Variants in JAG1 observed in about 807,000 individuals in gnomAD.
The protein encoded by JAG1 is protein jagged-1.
Under a neutral mutation model 148.7 loss-of-function variants are expected in JAG1, and 23 were observed. The ratio of observed to expected loss-of-function variants is 0.15; its 90% CI spans 0.11 to 0.22. JAG1 has a LOEUF of 0.22. Ranked by LOEUF, JAG1 falls within the 10% of genes least tolerant of loss-of-function variation. JAG1 has a pLI of 1.00. For synonymous variants in JAG1, 572 were observed against 598.3 expected, an observed-to-expected ratio of 0.96 and a Z score of 0.64; for missense variants, 1,054 against 1,611.2, an observed-to-expected ratio of 0.65 and a Z score of 5.92.
At chr20:10,642,811 A>C (rs2067282310) in intron 20 of JAG1, among the ~76,000 whole-genome samples, 1 of 152,246 alleles carries the variant, frequency 6.6e-6, no homozygotes, top group Non-Finnish European at 1.5e-5. Context: ...GAGTTCTAAC[A>C]GTGGAGAACC....
In JAG1 at chr20:10,645,232, G is replaced by A. The variant is rs763175586; in HGVS notation, c.2138C>T (p.Thr713Met). Residue 713 changes from threonine to methionine, a missense_variant, in exon 17 of 26, where the codon ACG becomes ATG. Thr to Met is a moderately conservative substitution (Grantham distance 81, BLOSUM62 -1). Transcript: ENST00000254958. The surrounding 1 kb of genome is among the most constrained non-coding windows in gnomAD (Gnocchi z 6.1). The part of the protein sequence containing the change: ...HSRDSQCDEA[T>M]CNNGGTCYDE... ...ATAGCAGGTGCCACCGTTGTTGCACGTGGCCTCATCACACTGACTGTCACC... is the reference window on the plus strand; with the variant it reads ...ATAGCAGGTGCCACCGTTGTTGCACATGGCCTCATCACACTGACTGTCACC... 2.5e-6 allele frequency: 4 copies of A among 1,613,886 alleles called. No homozygotes were observed. Among genetic ancestry groups the A allele is most frequent in the Non-Finnish European group, 1.7e-6 (2 of 1,179,894 alleles).
intron 3 of JAG1, among the ~76,000 whole-genome samples, chr20:10,660,163 G>A (rs890307638): frequency 6.6e-6 from 1 of 152,184 alleles, no homozygotes; most frequent in African/African-American, 2.4e-5. Flanking sequence ...GTGACCAGGA[G>A]AGAAGGGACT....
chr20:10,645,110 C>T lies in JAG1; in HGVS notation c.2227+33G>A. On this transcript the variant is annotated intron_variant, in intron 17 of 25. Transcript: ENST00000254958. This position sits in a 1 kb window ranked among gnomAD's most constrained non-coding sequence, Gnocchi z 6.1. ...AGCAGACACGCCCAGGTGGCCATGC[C>T]CACTGCAGATCCCACGTGGGGCATA... 1 of 1,573,538 alleles carries T rather than the reference C, an allele frequency of 6.4e-7. No individual in the cohort carries two copies. Among genetic ancestry groups the T allele is most frequent in the East Asian group, 2.2e-5 (1 of 44,646 alleles).
chr20:10,661,543 G>A (rs2067417223), intron 3 of JAG1, among the ~76,000 whole-genome samples: 1 of 152,320 alleles, frequency 6.6e-6, no homozygotes, highest in South Asian at 2.1e-4. Flanking sequence ...CTACAGATAC[G>A]ATGGACAACA....
chr20:10,666,897 G>A (rs1291239627), intron 2 of JAG1, among the ~76,000 whole-genome samples: 1 of 152,232 alleles, frequency 6.6e-6, no homozygotes, highest in Admixed American at 6.5e-5. Context: ...CAGGTTCCCA[G>A]CAAGGCTGGG....
intron 2 of JAG1, 113 bp downstream of exon 2, chr20:10,672,588 T>G (rs2067503957): frequency 9.4e-7 from 1 of 1,069,342 alleles, no homozygotes; most frequent in South Asian, 1.3e-5. Context: ...TTTCCCCAGT[T>G]AGCGCCTAGT....
chr20:10,657,149 T>C (rs1235854084), intron 4 of JAG1, among the ~76,000 whole-genome samples: 1 of 152,160 alleles, frequency 6.6e-6, no homozygotes, highest in Non-Finnish European at 1.5e-5. Context: ...AAGGATAGCT[T>C]GAGGCCAGGA....
Position 10,644,274 on chromosome 20 carries a change from T to C in JAG1, c.2372+83A>G, listed in dbSNP as rs371224345. The C allele has an allele frequency of 1.4e-3, 937 of 688,526 alleles. 11 individuals carry two copies. Among genetic ancestry groups the C allele is most frequent in the Middle Eastern group, 0.011 (36 of 3,156 alleles). The allele number at this position is 688,526 out of a possible 1,614,324, so 42.7% of individuals were successfully genotyped here. A position where few individuals can be genotyped will look rare whatever the true frequency, so the allele number is the denominator to read the frequency against. The stretch of plus-strand genomic sequence containing the variant: ...ATTTTAAACACAATCCCTGGGTGAT[T>C]CTCACACACACACACACACACACAC... On this transcript the variant is annotated intron_variant, in intron 19 of 25. Coordinates refer to ENST00000254958, the MANE Select transcript of JAG1 (RefSeq NM_000214.3).
rs1194532829 is a variant in JAG1, at chr20:10,639,838, G to C, written c.3317C>G (p.Ala1106Gly). 2 of 1,614,050 alleles carry C rather than the reference G, an allele frequency of 1.2e-6. No homozygotes were observed. The highest frequency in any genetic ancestry group is 1.7e-6 in the Non-Finnish European group (2 of 1,180,024). The change falls in exon 26 of 26, where the codon GCC becomes GGC. Residue 1106 changes from alanine to glycine, a missense_variant. This residue lies in a region of JAG1 where 177 missense variants were observed against 177.3 expected (regional missense o/e 1.00). Coordinates refer to ENST00000254958, the MANE Select transcript of JAG1 (RefSeq NM_000214.3). Reference sequence around the variant, plus strand: ...GTTGTTGGTGGTGTTGTCCTCAGAGGCTGAGTGTGTGTGGCTGCCCGGCTT... The same window carrying C: ...GTTGTTGGTGGTGTTGTCCTCAGAGCCTGAGTGTGTGTGGCTGCCCGGCTT... ...RRKPGSHTHS[A>G]SEDNTTNNVR...
At chr20:10,651,509 G>C in intron 8 of JAG1, 72 bp downstream of exon 8, 1 of 1,009,672 alleles carries the variant, frequency 9.9e-7, no homozygotes, top group Non-Finnish European at 1.6e-6. Flanking sequence ...GACAAGCCTA[G>C]GTACCTCTCC....
At position 10,668,541 on chromosome 20, in the gene JAG1, C is replaced by T. The variant is rs528490706; in HGVS notation, c.387+4160G>A. On this transcript the variant is annotated intron_variant, in intron 2 of 25. Transcript: ENST00000254958. ...TTACATTGTCACTAACCTTGAAAGCCGGACATTGGGACCAACTTCTGGCCC... is the reference window on the plus strand; with the variant it reads ...TTACATTGTCACTAACCTTGAAAGCTGGACATTGGGACCAACTTCTGGCCC... Among the ~76,000 whole-genome samples the T allele has an allele frequency of 3.2e-4, 48 of 152,280 alleles. No individual in the cohort carries two copies. The South Asian group carries it at 9.3e-3, about 30-fold the overall frequency.
intron 3 of JAG1, among the ~76,000 whole-genome samples, chr20:10,660,920 T>C (rs2067412662): frequency 6.6e-6 from 1 of 152,090 alleles, no homozygotes; most frequent in African/African-American, 2.4e-5. Context: ...GAGGAGGTGA[T>C]GAAGGGCGAG....
chr20:10,673,212 C>T lies in JAG1; in HGVS notation c.82-206G>A, dbSNP rs1282460972. 6.6e-6 allele frequency among the ~76,000 whole-genome samples: 1 copy of T among 151,814 alleles called. No homozygotes were observed. The highest frequency in any genetic ancestry group is 2.4e-5 in the African/African-American group (1 of 41,406). ...GAGTGCGGAAGAAATCCGACGACTT[C>T]CCGGGGGGCAACAGCGGAGCGAACG... On this transcript the variant is annotated intron_variant, in intron 1 of 25. Transcript: ENST00000254958. The surrounding 1 kb of genome is among the most constrained non-coding windows in gnomAD (Gnocchi z 4.7).
Position 10,672,725 on chromosome 20 carries a change from C to A in JAG1, c.363G>T (p.Val121=). 1 of 1,612,980 alleles carries A rather than the reference C, an allele frequency of 6.2e-7. No individual in the cohort carries two copies. The highest frequency in any genetic ancestry group is 8.5e-7 in the Non-Finnish European group (1 of 1,180,020). The change falls in exon 2 of 26, where the codon GTG becomes GTT. Residue 121 remains valine, a synonymous_variant. Transcript: ENST00000254958. ...CCGGCCAGGCGAAACTGAAAGGCAG[C>A]ACGATGCGGTTGCGGTCGTTGCCGC... ...ASRGNDRNRI[V]LPFSFAWPRS... is the part of the protein sequence containing the mutation.
Position 10,651,683 on chromosome 20 carries a change from A to G in JAG1, c.1018T>C (p.Cys340Arg). Reference protein sequence around the residue: ...GPNCEIAEHACLSDPCHNRGS... With the variant: ...GPNCEIAEHARLSDPCHNRGS... ...CTGTTGTGACAGGGATCAGAGAGGC[A>G]GGCGTGCTCAGCTGCAAAAACCAGG... is the stretch of plus-strand genomic sequence containing the variant. Residue 340 changes from cysteine to arginine, a missense_variant, in exon 8 of 26, where the codon TGC becomes CGC. Around this residue, in one of 6 missense-constraint regions of JAG1, gnomAD observed 245 missense variants for 373.1 expected, o/e 0.66. Transcript: ENST00000254958. The G allele has an allele frequency of 6.2e-7, 1 of 1,612,526 alleles. No homozygotes were observed.
Position 10,647,942 on chromosome 20 carries a change from C to T in JAG1, c.1720+18G>A, listed in dbSNP as rs764749272. Reference sequence around the variant, plus strand: ...GAGCAAGTCTGGAGACAGCCAGGTCCCGGGAGAAGGGAGGTACCTTCACAG... The same window carrying T: ...GAGCAAGTCTGGAGACAGCCAGGTCTCGGGAGAAGGGAGGTACCTTCACAG... On this transcript the variant is annotated intron_variant, in intron 13 of 25. Transcript: ENST00000254958. The T allele has an allele frequency of 6.2e-7, 1 of 1,613,758 alleles. No homozygotes were observed. Among genetic ancestry groups the T allele is most frequent in the South Asian group, 1.1e-5 (1 of 91,060 alleles).
chr20:10,663,728 T>A (rs192612215), intron 3 of JAG1, among the ~76,000 whole-genome samples: 1 of 152,244 alleles, frequency 6.6e-6, no homozygotes, highest in African/African-American at 2.4e-5. Flanking sequence ...GGTTTCATAA[T>A]CAGGGAATGA....
chr20:10,641,456 A>G lies in JAG1; in HGVS notation c.2916+4T>C. 1 of 1,611,848 alleles carries G rather than the reference A, an allele frequency of 6.2e-7. No homozygotes were observed. Among genetic ancestry groups the G allele is most frequent in the African/African-American group, 1.3e-5 (1 of 74,976 alleles). On this transcript the variant is annotated splice_donor_region_variant and intron_variant, in intron 23 of 25. Transcript: ENST00000254958. ...TCAAAAAAAAAACAAAGGTTGTTAC[A>G]TACTGGTGACATCATCTCCTTGTTA...
rs558315798 is a variant in JAG1 at position 10,649,062 on chromosome 20, C to T, written c.1394G>A (p.Arg465Gln). The change falls in exon 11 of 26, where the codon CGG (arginine) becomes CAG (glutamine). Residue 465 changes from arginine to glutamine, a missense_variant and splice_region_variant. Arg to Gln is a conservative substitution (Grantham distance 43). Coordinates refer to ENST00000254958, the MANE Select transcript of JAG1 (RefSeq NM_000214.3). Reference sequence around the variant, plus strand: ...TGATTTAAGCAAAGATTTACATACCCGACAGGAGGCGTCATTCTGACACTG... The same window carrying T: ...TGATTTAAGCAAAGATTTACATACCTGACAGGAGGCGTCATTCTGACACTG... ...LGQCQNDASC[R>Q]DLVNGYRCIC... 28 of 1,608,326 alleles carry T rather than the reference C, an allele frequency of 1.7e-5. No individual in the cohort carries two copies. The Admixed American group carries it at 1.8e-4, about 11-fold the overall frequency.
Sources: allele counts gnomAD v4.1 joint callset (sites outside exome capture counted in the v4.1 genomes callset), GRCh38; gene constraint gnomAD v4.1.1; regional missense constraint gnomAD v4.1.1; non-coding constraint Gnocchi (gnomAD v3.1); transcripts MANE v1.5; gene names NCBI Gene and HGNC (gene_info 2026-07-23, HGNC 2026-07-21).